POU2F2: variants seen among roughly 807,000 people sequenced by gnomAD.
POU2F2 encodes the protein POU class 2 homeobox 2.
Under a neutral mutation model 63.5 loss-of-function variants are expected in POU2F2, and 14 were observed. The observed-to-expected ratio is 0.22, with a 90% CI of 0.15 to 0.34. POU2F2 has a LOEUF of 0.34. Among genes scored for constraint, POU2F2 ranks in the 10% least tolerant of loss-of-function variants. The pLI is 1.00. For synonymous variants in POU2F2, 306 were observed against 348.6 expected (o/e 0.88, Z 1.36); for missense variants, 607 against 815.2 (o/e 0.74, Z 3.11).
At chr19:42,163,532 TCTC>T (rs2146790225) in intron 1 of POU2F2, among the ~76,000 whole-genome samples, 2 of 151,196 alleles carry the variant, frequency 1.3e-5, no homozygotes, top group South Asian at 2.1e-4. Flanking sequence ...AAGAGGGTGG[TCTC>T]CTCCTCAAGG....
upstream of POU2F2, among the ~76,000 whole-genome samples, chr19:42,180,839 T>C (rs760098037): frequency 6.6e-6 from 1 of 151,722 alleles, no homozygotes; most frequent in Non-Finnish European, 1.5e-5. Flanking sequence ...CAATCCCCTC[T>C]TGCCTCAGCC....
chr19:42,172,664 C>T (rs1313101249), intron 1 of POU2F2, among the ~76,000 whole-genome samples: 3 of 152,204 alleles, frequency 2.0e-5, no homozygotes, highest in Non-Finnish European at 2.9e-5. Context: ...CTCATGCAAA[C>T]CCCTGTGTTT....
intron 1 of POU2F2, among the ~76,000 whole-genome samples, chr19:42,170,939 C>T (rs1263022280): frequency 6.6e-6 from 1 of 152,290 alleles, no homozygotes; most frequent in African/African-American, 2.4e-5. Context: ...CCCCTCCTCG[C>T]TGACCAGCCA....
intron 1 of POU2F2, among the ~76,000 whole-genome samples, chr19:42,181,046 A>G (rs992927955): frequency 2.6e-5 from 4 of 152,208 alleles, no homozygotes; most frequent in African/African-American, 9.7e-5. Flanking sequence ...TCCACAACCT[A>G]TGCATGATTG....
intron 2 of POU2F2, among the ~76,000 whole-genome samples, chr19:42,151,916 A>C (rs966916056): frequency 6.6e-6 from 1 of 152,222 alleles, no homozygotes; most frequent in Admixed American, 6.5e-5. Context: ...CTGGCCTGGC[A>C]CAGCTGTGGG....
rs2076933325 is a variant in POU2F2, at chr19:42,096,664, G to A, written c.568-421C>T. 6.6e-6 allele frequency among the ~76,000 whole-genome samples: 1 copy of A among 152,224 alleles called. No homozygotes were observed. Among genetic ancestry groups the A allele is most frequent in the Admixed American group, 6.5e-5 (1 of 15,280 alleles). ...CTCACTTTCCCCCTCTGCAGGATGG[G>A]AACAATCACTGCTGTTCTGTCTACC... On this transcript the variant is annotated intron_variant, in intron 7 of 14. Coordinates refer to ENST00000692977, the MANE Select transcript of POU2F2 (RefSeq NM_001394376.1). The surrounding 1 kb of genome is among the most constrained non-coding windows in gnomAD (Gnocchi z 4.1).
rs1020494247 is a variant in POU2F2 at position 42,152,313 on chromosome 19, G to A, written c.-9+8019C>T. ...GCGAAGAAGAAGAGGGGGAGAATAA[G>A]GCGGGCCTCTTTTGGAGGGGGTGGG... On this transcript the variant is annotated intron_variant, in intron 2 of 6. Coordinates refer to the POU2F2 transcript ENST00000524801. This position sits in a 1 kb window ranked among gnomAD's most constrained non-coding sequence, Gnocchi z 4.1. Among the ~76,000 whole-genome samples the A allele has an allele frequency of 9.9e-5, 15 of 152,170 alleles. No individual in the cohort carries two copies. The highest frequency in any genetic ancestry group is 2.1e-4 in the South Asian group (1 of 4,830).
At position 42,155,149 on chromosome 19, in the gene POU2F2, G is replaced by GT. The variant is rs1181785595; in HGVS notation, c.-9+5182dup. Among the ~76,000 whole-genome samples, 1 of 152,210 alleles carries GT rather than the reference G, an allele frequency of 6.6e-6. No homozygotes were observed. The highest frequency in any genetic ancestry group is 2.4e-5 in the African/African-American group (1 of 41,446). On this transcript the variant is annotated intron_variant, in intron 2 of 6. Coordinates refer to the POU2F2 transcript ENST00000524801. The surrounding 1 kb of genome is among the most constrained non-coding windows in gnomAD (Gnocchi z 4.2). Reference sequence around the variant, plus strand: ...GCCTCAGCTGCAGCTGCCCCGCACTGTTTTTTCTTTCTCATTGTCCCCTGC... The same window carrying GT: ...GCCTCAGCTGCAGCTGCCCCGCACTGTTTTTTTCTTTCTCATTGTCCCCTGC...
chr19:42,106,772 AGAGGAGAAGGAGGAAGAG>A (rs1555897532), intron 5 of POU2F2, among the ~76,000 whole-genome samples: 1 of 142,886 alleles, frequency 7.0e-6, no homozygotes, highest in Admixed American at 7.2e-5. Flanking sequence ...AGAAGGAGGA[AGAGGAGAAGGAGGAAGAG>A]GAGGAGGAGG....
At chr19:42,132,620 T>A, upstream of POU2F2, 1 of 427,756 alleles carries the variant, frequency 2.3e-6, no homozygotes, top group Non-Finnish European at 4.1e-6. Flanking sequence ...TGGGGGCTAG[T>A]GGGGCAGAGG....
At chr19:42,150,705 T>G (rs1265377902) in intron 2 of POU2F2, among the ~76,000 whole-genome samples, 3 of 151,934 alleles carry the variant, frequency 2.0e-5, no homozygotes, top group Non-Finnish European at 4.4e-5. Context: ...TCTTATTATA[T>G]TTTTTCTTAT....
intron 1 of POU2F2, among the ~76,000 whole-genome samples, chr19:42,187,089 G>A (rs1191756566): frequency 6.6e-6 from 1 of 152,072 alleles, no homozygotes; most frequent in Non-Finnish European, 1.5e-5. Flanking sequence ...ATCACGAGTC[G>A]ATGATGTCCC....
At position 42,099,548 on chromosome 19, in the gene POU2F2, G is replaced by A. The variant is rs753834683; in HGVS notation, c.546C>T (p.Pro182=). Reference sequence around the variant, plus strand: ...TCACCTGTGTGGGAAGCCCGGCCCGGGGCTGGGAGGTCAGAAGAGCTCCCT... The same window carrying A: ...TCACCTGTGTGGGAAGCCCGGCCCGAGGCTGGGAGGTCAGAAGAGCTCCCT... The part of the protein sequence containing the change: ...QTQGALLTSQ[P]RAGLPTQAVT... Residue 182 remains proline (P), a synonymous_variant, in exon 7 of 15, where the codon CCC becomes CCT. Coordinates refer to ENST00000692977, the MANE Select transcript of POU2F2 (RefSeq NM_001394376.1). The A allele has an allele frequency of 1.7e-5, 27 of 1,613,850 alleles. No individual in the cohort carries two copies. Among genetic ancestry groups the A allele is most frequent in the African/African-American group, 1.1e-4 (8 of 75,054 alleles).
At chr19:42,107,378 T>G (rs1031662685) in intron 5 of POU2F2, among the ~76,000 whole-genome samples, 53 of 152,162 alleles carry the variant, frequency 3.5e-4, no homozygotes, top group African/African-American at 1.3e-3. Context: ...TAATTAAAAT[T>G]TAAAAAAATA....
chr19:42,196,780 C>T (rs553723136), upstream of POU2F2, among the ~76,000 whole-genome samples: 26 of 152,356 alleles, frequency 1.7e-4, no homozygotes, highest in African/African-American at 4.6e-4. Flanking sequence ...TCTGGAGGCG[C>T]GAGCCTCTGC....
intron 1 of POU2F2, among the ~76,000 whole-genome samples, chr19:42,127,384 TTTTC>T (rs1183152134): frequency 2.0e-5 from 3 of 151,854 alleles, no homozygotes; most frequent in Non-Finnish European, 2.9e-5. Context: ...CTCTGTTTTC[TTTTC>T]TTTTTTTTTG....
intron 5 of POU2F2, chr19:42,116,838 AGAGGAGGAG>A: frequency 7.5e-6 from 3 of 397,698 alleles, no homozygotes; most frequent in Non-Finnish European, 1.0e-5. Context: ...AGGAGGAGGC[AGAGGAGGAG>A]GAGGAGGAGG....
intron 1 of POU2F2, among the ~76,000 whole-genome samples, chr19:42,166,890 T>C (rs1336897334): frequency 6.6e-6 from 1 of 152,042 alleles, no homozygotes; most frequent in Non-Finnish European, 1.5e-5. Context: ...TCCACCATTA[T>C]ATTGGGCAAG....
Position 42,117,203 on chromosome 19 carries a change from G to A in POU2F2, c.369+47C>T. On this transcript the variant is annotated intron_variant, in intron 5 of 14. Transcript: ENST00000692977. The surrounding 1 kb of genome is among the most constrained non-coding windows in gnomAD (Gnocchi z 4.4). ...ATCCACTAGCCCTGTAACAGATGAG[G>A]GGTGGCTGGTTTGTCCCCTCGTCCC... 1 of 1,369,766 alleles carries A rather than the reference G, an allele frequency of 7.3e-7. No individual in the cohort carries two copies. Among genetic ancestry groups the A allele is most frequent in the Non-Finnish European group, 9.8e-7 (1 of 1,024,198 alleles). 84.9% of individuals were successfully genotyped at this position (1,369,766 alleles called of 1,614,324 possible). A position where few individuals can be genotyped will look rare whatever the true frequency, so the allele number is the denominator to read the frequency against.
Sources: gnomAD v4.1 joint callset for allele counts (sites outside exome capture counted in the v4.1 genomes callset) on GRCh38, gnomAD v4.1.1 for gene constraint, Gnocchi (gnomAD v3.1) non-coding constraint, MANE v1.5 for transcripts, NCBI Gene and HGNC (gene_info 2026-07-23, HGNC 2026-07-21) for gene names.